DNMT3A: variants seen among roughly 807,000 people sequenced by gnomAD.
DNMT3A encodes DNA (cytosine-5)-methyltransferase 3A.
A neutral mutation model predicts 117.6 loss-of-function variants in DNMT3A; 267 were observed. The ratio of observed to expected loss-of-function variants is 2.27; its 90% CI spans 2.05 to 2.51. DNMT3A has a LOEUF of 2.51. Among genes scored for constraint, DNMT3A ranks in the 30% most tolerant of loss-of-function variants. DNMT3A has a pLI of 0.00. For missense variants in DNMT3A, 1,029 were observed against 1,260.2 expected, an observed-to-expected ratio of 0.82 and a Z score of 2.78; for synonymous variants, 432 against 474.8, an observed-to-expected ratio of 0.91 and a Z score of 1.17.
chr2:25,300,320 C>G, intron 2 of DNMT3A, 77 bp from the exon 3 acceptor site: 1 of 1,489,954 alleles, frequency 6.7e-7, no homozygotes. Context: ...CTGGGGCTGG[C>G]CCTGGCTTCC....
chr2:25,315,628 C>T (rs548117177), intron 1 of DNMT3A, among the ~76,000 whole-genome samples: 1 of 152,310 alleles, frequency 6.6e-6, no homozygotes, highest in South Asian at 2.1e-4. Flanking sequence ...GCTGCTGTGC[C>T]GTGCCCAGTT....
Position 25,241,680 on chromosome 2 carries a change from A to AT in DNMT3A, c.1963dup (p.Ile655AsnfsTer13). ...CGAGGCAATGTAGCGGTCCACCTGA[A>AT]TGCCCAAGTCCTTCAGCACCAGGAG... On this transcript the variant is annotated frameshift_variant, in exon 17 of 23. Coordinates refer to ENST00000321117, the MANE Select transcript of DNMT3A (RefSeq NM_022552.5). LOFTEE classifies it high-confidence loss of function. 1 of 1,614,044 alleles carries AT rather than the reference A, an allele frequency of 6.2e-7. No individual in the cohort carries two copies. Among genetic ancestry groups the AT allele is most frequent in the Non-Finnish European group, 8.5e-7 (1 of 1,179,996 alleles).
chr2:25,272,861 G>A (rs2031047133), intron 6 of DNMT3A, among the ~76,000 whole-genome samples: 2 of 148,680 alleles, frequency 1.3e-5, no homozygotes, highest in African/African-American at 4.9e-5. Flanking sequence ...GAGTGCAGTG[G>A]CTCAATCTCG....
At chr2:25,326,470 G>T (rs1025454488) in intron 1 of DNMT3A, among the ~76,000 whole-genome samples, 3 of 152,178 alleles carry the variant, frequency 2.0e-5, no homozygotes, top group Non-Finnish European at 4.4e-5. Context: ...GGTAAACTGT[G>T]CCAGTTATCA....
At chr2:25,329,877 G>A (rs1398669377) in intron 1 of DNMT3A, among the ~76,000 whole-genome samples, 1 of 152,192 alleles carries the variant, frequency 6.6e-6, no homozygotes, top group African/African-American at 2.4e-5. Flanking sequence ...TCCGACACAG[G>A]CACACGCGTT....
intron 16 of DNMT3A, among the ~76,000 whole-genome samples, chr2:25,242,174 C>T (rs535950958): frequency 2.6e-5 from 4 of 152,240 alleles, no homozygotes; most frequent in African/African-American, 7.2e-5. Context: ...CCGCCCCCTC[C>T]GCTATGAGTC....
chr2:25,251,876 G>C, intron 6 of DNMT3A: 1 of 427,518 alleles, frequency 2.3e-6, no homozygotes, highest in Middle Eastern at 6.1e-4. Context: ...CCCAACTCCT[G>C]GGCCACCAGC....
chr2:25,320,853 C>T (rs930166325), intron 1 of DNMT3A, among the ~76,000 whole-genome samples: 4 of 151,992 alleles, frequency 2.6e-5, no homozygotes, highest in Non-Finnish European at 4.4e-5. Context: ...CATTATCGGC[C>T]GGGCGCGGTG....
chr2:25,247,614 A>C lies in DNMT3A; in HGVS notation c.991T>G (p.Phe331Val), dbSNP rs753896945. ...AAEGTRWVMWFGDGKFSVVCV... is the reference protein window; with the variant it reads ...AAEGTRWVMWVGDGKFSVVCV... ...ACCACTGAGAATTTGCCGTCTCCGA[A>C]CCACATGACCCAGCGGGTGCCTTCA... Residue 331 changes from phenylalanine to valine, a missense_variant, in exon 8 of 23, where the codon TTC becomes GTC. Physicochemically the swap from Phe to Val is conservative, Grantham distance 50. Transcript: ENST00000321117. This position sits in a 1 kb window ranked among gnomAD's most constrained non-coding sequence, Gnocchi z 5.6. 1.2e-6 allele frequency: 2 copies of C among 1,613,944 alleles called. No homozygotes were observed. Among genetic ancestry groups the C allele is most frequent in the Non-Finnish European group, 8.5e-7 (1 of 1,179,958 alleles).
rs17046952 is a variant in DNMT3A, at chr2:25,296,103, G to A, written c.177+4036C>T. 8.8e-3 allele frequency among the ~76,000 whole-genome samples: 1,341 copies of A among 152,298 alleles called. 39 individuals carry two copies. The highest frequency in any genetic ancestry group is 0.032 in the Admixed American group (496 of 15,298). Reference sequence around the variant, plus strand: ...GAATAGTTATACTCAGTTCTGTACCGACAGGTGACAACAAATGCTTCTCAA... The same window carrying A: ...GAATAGTTATACTCAGTTCTGTACCAACAGGTGACAACAAATGCTTCTCAA... On this transcript the variant is annotated intron_variant, in intron 3 of 22. Transcript: ENST00000321117. The surrounding 1 kb of genome is among the most constrained non-coding windows in gnomAD (Gnocchi z 4.2).
At position 25,252,381 on chromosome 2, in the gene DNMT3A, A is replaced by C. The variant is rs1675686236; in HGVS notation, c.640-4129T>G. On this transcript the variant is annotated intron_variant, in intron 6 of 22. Coordinates refer to ENST00000321117, the MANE Select transcript of DNMT3A (RefSeq NM_022552.5). The surrounding 1 kb of genome is among the most constrained non-coding windows in gnomAD (Gnocchi z 5.5). The stretch of plus-strand genomic sequence containing the variant: ...GAACATTTTCTTTGTCTAGGACTCC[A>C]GGTCACGTGGGCCCCGCTGGAGGGC... 4.9e-6 allele frequency: 3 copies of C among 615,782 alleles called. No individual in the cohort carries two copies. Among genetic ancestry groups the C allele is most frequent in the Non-Finnish European group, 7.5e-6 (3 of 399,928 alleles). The allele number at this position is 615,782 out of a possible 1,614,324, so 38.1% of individuals were successfully genotyped here. A position where few individuals can be genotyped will look rare whatever the true frequency, so the allele number is the denominator to read the frequency against.
chr2:25,313,337 G>C (rs1257689337), intron 2 of DNMT3A, among the ~76,000 whole-genome samples: 1 of 143,166 alleles, frequency 7.0e-6, no homozygotes, highest in Non-Finnish European at 1.5e-5. Context: ...ATAACCCAGC[G>C]ACATTCACCT....
At chr2:25,317,225 CTTT>C (rs34464455) in intron 1 of DNMT3A, among the ~76,000 whole-genome samples, 16 of 128,770 alleles carry the variant, frequency 1.2e-4, no homozygotes, top group Non-Finnish European at 1.7e-4. Flanking sequence ...CCACACCTGG[CTTT>C]TTTTTTTTTT....
chr2:25,241,527 G>A (rs768931189), intron 17 of DNMT3A, 35 bp downstream of exon 17: 4 of 1,593,924 alleles, frequency 2.5e-6, no homozygotes, highest in South Asian at 1.1e-5. Context: ...GTGCAGGGAG[G>A]GGAAGACGGG....
intron 20 of DNMT3A, among the ~76,000 whole-genome samples, chr2:25,238,611 T>C (rs918658798): frequency 6.6e-6 from 1 of 152,366 alleles, no homozygotes; most frequent in African/African-American, 2.4e-5. Flanking sequence ...AATCTTTATC[T>C]GTGTAACCTA....
chr2:25,247,972 G>GGGA lies in DNMT3A; in HGVS notation c.855+62_855+64dup, dbSNP rs1573342085. ...GGAGATGGAGAGAGGAGAGCAGGAC[G>GGGA]GGAGGAGCTGGCAGTGGAAGGCCCC... On this transcript the variant is annotated intron_variant, in intron 7 of 22. Coordinates refer to ENST00000321117, the MANE Select transcript of DNMT3A (RefSeq NM_022552.5). The surrounding 1 kb of genome is among the most constrained non-coding windows in gnomAD (Gnocchi z 5.6). 3 of 1,603,592 alleles carry GGGA rather than the reference G, an allele frequency of 1.9e-6. No individual in the cohort carries two copies. In the East Asian group the frequency reaches 6.7e-5, roughly 36 times the overall value.
Position 25,281,836 on chromosome 2 carries a change from A to G in DNMT3A, c.448+605T>C. 1 of 1,067,706 alleles carries G rather than the reference A, an allele frequency of 9.4e-7. No homozygotes were observed. Among genetic ancestry groups the G allele is most frequent in the South Asian group, 4.5e-5 (1 of 22,090 alleles). 66.1% of individuals were successfully genotyped at this position (1,067,706 alleles called of 1,614,324 possible). ...TGAAGAGGCCTGGGCTGGGCAGTAC[A>G]CAGAATACAATCACCCAGCCCTCTC... On this transcript the variant is annotated intron_variant, in intron 4 of 22. Coordinates refer to ENST00000321117, the MANE Select transcript of DNMT3A (RefSeq NM_022552.5). This position sits in a 1 kb window ranked among gnomAD's most constrained non-coding sequence, Gnocchi z 4.8.
At chr2:25,315,551 G>A (rs996216245) in intron 1 of DNMT3A, among the ~76,000 whole-genome samples, 1 of 152,204 alleles carries the variant, frequency 6.6e-6, no homozygotes, top group African/African-American at 2.4e-5. Context: ...GAGGGTGGAC[G>A]GCAGCGGAGA....
chr2:25,333,529 C>T (rs563946401), intron 1 of DNMT3A, among the ~76,000 whole-genome samples: 1 of 152,270 alleles, frequency 6.6e-6, no homozygotes, highest in South Asian at 2.1e-4. Context: ...GGTGGTTTCA[C>T]CATGTTGGCC....
Sources: gnomAD v4.1 joint callset for allele counts (sites outside exome capture counted in the v4.1 genomes callset) on GRCh38, gnomAD v4.1.1 for gene constraint, Gnocchi (gnomAD v3.1) non-coding constraint, MANE v1.5 for transcripts, NCBI Gene and HGNC (gene_info 2026-07-23, HGNC 2026-07-21) for gene names.